The following MAP2K5 variants were observed in gnomAD, a reference collection of about 807,000 sequenced individuals.
The protein encoded by MAP2K5 is dual specificity mitogen-activated protein kinase kinase 5.
A neutral mutation model predicts 83.1 loss-of-function variants in MAP2K5; 49 were observed. The ratio of observed to expected loss-of-function variants is 0.59; its 90% confidence interval spans 0.47 to 0.75. The LOEUF (loss-of-function observed/expected upper bound fraction) is 0.75, where lower values mean the gene tolerates loss of function less well. Ranked by LOEUF, MAP2K5 falls within the 30% of genes least tolerant of loss-of-function variation. The pLI, the probability that MAP2K5 is intolerant of heterozygous loss-of-function variation, is 0.00. For synonymous variants in MAP2K5, 202 were observed against 191.8 expected (o/e 1.05, Z -0.44); for missense variants, 457 against 557.5 (o/e 0.82, Z 1.82).
At chr15:67,612,014 G>T (rs1313427562) in intron 8 of MAP2K5, among the ~76,000 whole-genome samples, 1 of 150,812 alleles carries the variant, frequency 6.6e-6, no homozygotes, top group Non-Finnish European at 1.5e-5. Context: ...TGTTTGTGCT[G>T]ATCTCTGAAC....
chr15:67,586,357 T>C (rs777855159), intron 5 of MAP2K5, among the ~76,000 whole-genome samples: 4 of 152,198 alleles, frequency 2.6e-5, no homozygotes, highest in Non-Finnish European at 4.4e-5. Context: ...TGGATTTCTG[T>C]TTAGGGCTTC....
At chr15:67,684,086 G>A (rs1026567864) in intron 13 of MAP2K5, among the ~76,000 whole-genome samples, 5 of 152,166 alleles carry the variant, frequency 3.3e-5, no homozygotes, top group Admixed American at 6.5e-5. Flanking sequence ...AGAAAGGCAA[G>A]AACATGCAGA....
At chr15:67,616,300 T>A (rs2086053211) in intron 8 of MAP2K5, among the ~76,000 whole-genome samples, 1 of 152,152 alleles carries the variant, frequency 6.6e-6, no homozygotes, top group Non-Finnish European at 1.5e-5. Context: ...GGAAGTAGAT[T>A]TAATAATTGA....
At chr15:67,686,686 A>G (rs1175324392) in intron 13 of MAP2K5, among the ~76,000 whole-genome samples, 1 of 152,116 alleles carries the variant, frequency 6.6e-6, no homozygotes, top group Non-Finnish European at 1.5e-5. Context: ...AGCAAAACTA[A>G]TGTATAATGA....
intron 11 of MAP2K5, among the ~76,000 whole-genome samples, chr15:67,651,282 A>ATGG (rs2086946929): frequency 6.6e-6 from 1 of 152,222 alleles, no homozygotes; most frequent in African/African-American, 2.4e-5. Flanking sequence ...GTACATGCAT[A>ATGG]ATAATATTTT....
chr15:67,771,975 G>A (rs1033188853), intron 20 of MAP2K5, among the ~76,000 whole-genome samples: 4 of 152,190 alleles, frequency 2.6e-5, no homozygotes, highest in African/African-American at 9.6e-5. Flanking sequence ...TCCCATGTGT[G>A]AGTGCTTCAT....
At chr15:67,550,797 ACT>A (rs2140945495) in intron 2 of MAP2K5, among the ~76,000 whole-genome samples, 1 of 145,088 alleles carries the variant, frequency 6.9e-6, no homozygotes, top group African/African-American at 2.6e-5. Context: ...TTTGCCGCAG[ACT>A]CTCACTGTGT....
At position 67,543,461 on chromosome 15, in the gene MAP2K5, G is replaced by A. The variant is rs1795688345; in HGVS notation, c.126G>A (p.Arg42=). The change falls in exon 1 of 22, where the codon AGG becomes AGA. Residue 42 remains arginine, a synonymous_variant. Transcript: ENST00000178640. The surrounding 1 kb of genome is among the most constrained non-coding windows in gnomAD (Gnocchi z 4.3). ...TVHSGPQLLF[R]DVLDVIGQVL... is the part of the protein sequence containing the mutation. The stretch of plus-strand genomic sequence containing the variant: ...ACTCCGGGCCGCAGTTACTCTTCAG[G>A]GATGTGCTGGTGAGTGGTAATCTCA... 1 of 1,614,030 alleles carries A rather than the reference G, an allele frequency of 6.2e-7. No individual in the cohort carries two copies. The highest frequency in any genetic ancestry group is 1.3e-5 in the African/African-American group (1 of 74,910).
In MAP2K5 at chr15:67,689,780, T is replaced by C. The variant is rs190161011; in HGVS notation, c.848-2699T>C. Among the ~76,000 whole-genome samples the C allele has an allele frequency of 2.0e-5, 3 of 152,368 alleles. No homozygotes were observed. The East Asian group carries it at 5.8e-4, about 29-fold the overall frequency. ...ATCCACTTAAGTCAGATGTATCTGA[T>C]TGAAACTAAAGATTTGCTGCTTTTA... On this transcript the variant is annotated intron_variant, in intron 13 of 21. Transcript: ENST00000178640.
At chr15:67,605,498 G>A (rs1325829668) in intron 8 of MAP2K5, among the ~76,000 whole-genome samples, 1 of 152,052 alleles carries the variant, frequency 6.6e-6, no homozygotes, top group Non-Finnish European at 1.5e-5. Context: ...GATATCTTAT[G>A]TATTATCTTA....
chr15:67,759,494 A>G, intron 19 of MAP2K5, among the ~76,000 whole-genome samples: 1 of 150,750 alleles, frequency 6.6e-6, no homozygotes, highest in East Asian at 2.0e-4. Context: ...TGGGAGGTGG[A>G]GGTTCCGGTG....
At chr15:67,704,469 T>G (rs2088502249) in intron 16 of MAP2K5, among the ~76,000 whole-genome samples, 1 of 151,294 alleles carries the variant, frequency 6.6e-6, no homozygotes. Flanking sequence ...TTTTGTAACC[T>G]TTTTTTTTAG....
At chr15:67,610,797 A>T (rs1048473188) in intron 8 of MAP2K5, among the ~76,000 whole-genome samples, 3 of 152,152 alleles carry the variant, frequency 2.0e-5, no homozygotes, top group South Asian at 2.1e-4. Context: ...TAAGCATTAA[A>T]TTTTTTTAAA....
At chr15:67,569,986 C>T (rs1433214557) in intron 3 of MAP2K5, among the ~76,000 whole-genome samples, 1 of 152,202 alleles carries the variant, frequency 6.6e-6, no homozygotes, top group Non-Finnish European at 1.5e-5. Context: ...AGAATTGCTA[C>T]AGCCTAAAAA....
chr15:67,790,730 C>CA lies in MAP2K5; in HGVS notation c.1243-15903dup, dbSNP rs1046630496. Among the ~76,000 whole-genome samples, 166 of 139,772 alleles carry CA rather than the reference C, an allele frequency of 1.2e-3. No individual in the cohort carries two copies. Among genetic ancestry groups the CA allele is most frequent in the Middle Eastern group, 3.7e-3 (1 of 270 alleles). The allele number at this position is 139,772 out of a possible 152,430, so 91.7% of individuals were successfully genotyped here. On this transcript the variant is annotated intron_variant, in intron 21 of 21. Transcript: ENST00000178640. The surrounding 1 kb of genome is among the most constrained non-coding windows in gnomAD (Gnocchi z 4.6). Reference sequence around the variant, plus strand: ...AGCCAGTCACATAAAAACAAACAAACAAAAAAAAAAAAACCTGTGTCCTAA... The same window carrying CA: ...AGCCAGTCACATAAAAACAAACAAACAAAAAAAAAAAAAACCTGTGTCCTAA...
chr15:67,727,440 A>G (rs2089121735), intron 16 of MAP2K5, among the ~76,000 whole-genome samples: 1 of 152,214 alleles, frequency 6.6e-6, no homozygotes, highest in Non-Finnish European at 1.5e-5. Flanking sequence ...TAACAAATGG[A>G]TGAAAATAAT....
At chr15:67,727,588 C>T (rs1489555303) in intron 16 of MAP2K5, among the ~76,000 whole-genome samples, 2 of 152,256 alleles carry the variant, frequency 1.3e-5, no homozygotes, top group Non-Finnish European at 2.9e-5. Context: ...AGAGTTTTTA[C>T]ATCTCTGTCT....
At chr15:67,582,892 T>A (rs917755404) in intron 4 of MAP2K5, among the ~76,000 whole-genome samples, 2 of 152,026 alleles carry the variant, frequency 1.3e-5, no homozygotes, top group African/African-American at 2.4e-5. Context: ...CTCTAAAAAA[T>A]TTTTTTTAGT....
chr15:67,548,331 C>T (rs1417760972), intron 1 of MAP2K5, among the ~76,000 whole-genome samples: 1 of 152,134 alleles, frequency 6.6e-6, no homozygotes, highest in Non-Finnish European at 1.5e-5. Context: ...AATGAGTGTT[C>T]AATAAGTACT....
Sources: allele counts gnomAD v4.1 joint callset (sites outside exome capture counted in the v4.1 genomes callset), GRCh38; gene constraint gnomAD v4.1.1; non-coding constraint Gnocchi (gnomAD v3.1); transcripts MANE v1.5; gene names NCBI Gene and HGNC (gene_info 2026-07-23, HGNC 2026-07-21).